The following MYH15 variants were observed in gnomAD, a reference collection of about 807,000 sequenced individuals.
The protein encoded by MYH15 is myosin-15.
Under a neutral mutation model 240.5 loss-of-function variants are expected in MYH15, and 227 were observed. The ratio of observed to expected loss-of-function variants is 0.94; its 90% confidence interval spans 0.85 to 1.05. MYH15 has a LOEUF of 1.05. Ranked by LOEUF, MYH15 falls within the 50% of genes least tolerant of loss-of-function variation. The pLI, the probability that MYH15 is intolerant of heterozygous loss-of-function variation, is 0.00. For synonymous variants in MYH15, 785 were observed against 796.7 expected, an observed-to-expected ratio of 0.99 and a Z score of 0.25; for missense variants, 2,217 against 2,247.5, an observed-to-expected ratio of 0.99 and a Z score of 0.27.
intron 34 of MYH15, 58 bp from the exon 35 acceptor site, chr3:108,398,898 G>T: frequency 6.5e-7 from 1 of 1,527,352 alleles, no homozygotes; most frequent in Non-Finnish European, 9.1e-7. Context: ...CATAGACTAT[G>T]CACCTACACA....
chr3:108,403,994 T>G (rs966573109), intron 33 of MYH15, among the ~76,000 whole-genome samples: 1 of 152,268 alleles, frequency 6.6e-6, no homozygotes, highest in South Asian at 2.1e-4. Flanking sequence ...TTGCTTTTTT[T>G]TTTTTTATCT....
In MYH15 at chr3:108,410,853, C is replaced by A. The variant is rs202050761; in HGVS notation, c.4225G>T (p.Ala1409Ser). The change falls in exon 31 of 41, where the codon GCC becomes TCC. Residue 1409 changes from alanine to serine, a missense_variant. Physicochemically the swap from Ala to Ser is moderately conservative, Grantham distance 99 (BLOSUM62 1). Transcript: ENST00000693548. ...ANARNASLER[A>S]RHQLQLELGD... ...AGCTCCAGCTGCAGCTGGTGCCTGGCTCTCTCCAAGGAGGCATTTCTGGCA... is the reference window on the plus strand; with the variant it reads ...AGCTCCAGCTGCAGCTGGTGCCTGGATCTCTCCAAGGAGGCATTTCTGGCA... 1.2e-6 allele frequency: 2 copies of A among 1,613,792 alleles called. No homozygotes were observed. The highest frequency in any genetic ancestry group is 1.7e-6 in the Non-Finnish European group (2 of 1,179,796).
intron 38 of MYH15, among the ~76,000 whole-genome samples, chr3:108,386,471 A>G (rs1417501051): frequency 6.6e-6 from 1 of 152,170 alleles, no homozygotes; most frequent in East Asian, 1.9e-4. Flanking sequence ...TTGAGGCCAC[A>G]CACTTCCCAG....
At chr3:108,474,267 GGA>G (rs143415198) in intron 12 of MYH15, among the ~76,000 whole-genome samples, 1 of 149,938 alleles carries the variant, frequency 6.7e-6, no homozygotes, top group Non-Finnish European at 1.5e-5. Flanking sequence ...TATGTCTCCA[GGA>G]GAGAGAGAGA....
At chr3:108,481,708 G>C (rs2083269215) in intron 11 of MYH15, among the ~76,000 whole-genome samples, 1 of 152,120 alleles carries the variant, frequency 6.6e-6, no homozygotes, top group Admixed American at 6.5e-5. Context: ...TGAGAGACGA[G>C]AAAATGATAG....
intron 12 of MYH15, among the ~76,000 whole-genome samples, chr3:108,471,109 G>GA (rs1343222292): frequency 7.1e-6 from 1 of 141,702 alleles, no homozygotes; most frequent in Admixed American, 7.2e-5. Context: ...GGGAGGGAGG[G>GA]GGAAAATGAA....
intron 28 of MYH15, 47 bp downstream of exon 28, chr3:108,421,041 T>C: frequency 6.2e-7 from 1 of 1,610,976 alleles, no homozygotes; most frequent in Non-Finnish European, 8.5e-7. Context: ...TTCATGAGTC[T>C]GCTGGGATTG....
At chr3:108,460,729 T>A (rs2083065059) in intron 16 of MYH15, among the ~76,000 whole-genome samples, 1 of 152,180 alleles carries the variant, frequency 6.6e-6, no homozygotes, top group East Asian at 1.9e-4. Context: ...TGGATCCATA[T>A]AACTTATATG....
At chr3:108,519,777 G>A (rs899229525) in intron 1 of MYH15, among the ~76,000 whole-genome samples, 1 of 152,092 alleles carries the variant, frequency 6.6e-6, no homozygotes, top group Non-Finnish European at 1.5e-5. Flanking sequence ...AGAATTGCAG[G>A]TGCTGTTATT....
intron 21 of MYH15, among the ~76,000 whole-genome samples, chr3:108,446,158 C>A (rs1283702307): frequency 6.6e-6 from 1 of 152,130 alleles, no homozygotes; most frequent in Non-Finnish European, 1.5e-5. Flanking sequence ...TGAACCCAGT[C>A]AACAAGGGTG....
chr3:108,389,680 G>A (rs2082409558), intron 37 of MYH15, among the ~76,000 whole-genome samples: 1 of 152,240 alleles, frequency 6.6e-6, no homozygotes, highest in Non-Finnish European at 1.5e-5. Context: ...ACGTTCTAAT[G>A]AGGGGAAGCA....
Position 108,501,864 on chromosome 3 carries a change from A to G in MYH15, c.196-9T>C. ...TCCTTTATGCTCAGACTCTGCAGAG[A>G]GAAGAAAAATATATGATATATTCCC... On this transcript the variant is annotated splice_polypyrimidine_tract_variant and intron_variant, in intron 2 of 40. Coordinates refer to ENST00000693548, the MANE Select transcript of MYH15 (RefSeq NM_014981.3). 1 of 1,612,752 alleles carries G rather than the reference A, an allele frequency of 6.2e-7. No individual in the cohort carries two copies. The highest frequency in any genetic ancestry group is 8.5e-7 in the Non-Finnish European group (1 of 1,178,770).
chr3:108,426,374 C>T (rs1365719014), intron 27 of MYH15, among the ~76,000 whole-genome samples: 6 of 152,198 alleles, frequency 3.9e-5, no homozygotes, highest in Non-Finnish European at 1.5e-5. Flanking sequence ...AAGGCCAGGG[C>T]CTTGATGGAA....
At chr3:108,478,680 T>TA (rs34144812) in intron 11 of MYH15, among the ~76,000 whole-genome samples, 173 of 146,644 alleles carry the variant, frequency 1.2e-3, no homozygotes, top group Middle Eastern at 3.5e-3. Flanking sequence ...TGTCCAGGTT[T>TA]AAAAAAAAAA....
chr3:108,486,383 G>T (rs754235798), intron 10 of MYH15, 40 bp downstream of exon 10: 1 of 1,487,708 alleles, frequency 6.7e-7, no homozygotes, highest in African/African-American at 1.4e-5. Flanking sequence ...ATTTCTCATT[G>T]CCATTACCAG....
At chr3:108,478,508 A>T (rs2083238934) in intron 11 of MYH15, among the ~76,000 whole-genome samples, 1 of 152,192 alleles carries the variant, frequency 6.6e-6, no homozygotes, top group African/African-American at 2.4e-5. Context: ...CAAATTGAGA[A>T]TCCAGTATGT....
chr3:108,453,001 A>G (rs2082987021), intron 21 of MYH15, among the ~76,000 whole-genome samples: 1 of 152,200 alleles, frequency 6.6e-6, no homozygotes, highest in Non-Finnish European at 1.5e-5. Flanking sequence ...ATATATCTTC[A>G]TGATGGCTCC....
chr3:108,423,528 A>G (rs367555253), intron 27 of MYH15, among the ~76,000 whole-genome samples: 1 of 152,218 alleles, frequency 6.6e-6, no homozygotes, highest in East Asian at 1.9e-4. Flanking sequence ...AGAAAGCTAT[A>G]GTAGTGATCA....
At chr3:108,527,171 C>T (rs575488983) in intron 1 of MYH15, among the ~76,000 whole-genome samples, 1 of 152,260 alleles carries the variant, frequency 6.6e-6, no homozygotes, top group South Asian at 2.1e-4. Flanking sequence ...GTTGATGCTA[C>T]TTGTCTGGGG....
Sources: gnomAD v4.1 joint callset for allele counts (sites outside exome capture counted in the v4.1 genomes callset) on GRCh38, gnomAD v4.1.1 for gene constraint, MANE v1.5 for transcripts, NCBI Gene and HGNC (gene_info 2026-07-23, HGNC 2026-07-21) for gene names.